The following NAV3 variants were observed in gnomAD, a reference collection of about 807,000 sequenced individuals.
NAV3 encodes the protein pore membrane and/or filament interacting like protein 1.
Under a neutral mutation model 244.7 loss-of-function variants are expected in NAV3, and 87 were observed. That is an observed-to-expected ratio of 0.36 (90% CI 0.30 to 0.42). The LOEUF (loss-of-function observed/expected upper bound fraction) is 0.42. Among genes scored for constraint, NAV3 ranks in the 20% least tolerant of loss-of-function variants. The probability of loss-of-function intolerance (pLI) is 1.00; values close to 1 mark genes in which losing one functional copy is unlikely to be tolerated. For missense variants in NAV3, 2,663 were observed against 2,893.3 expected, an observed-to-expected ratio of 0.92 and a Z score of 1.83; for synonymous variants, 1,126 against 1,042.2, an observed-to-expected ratio of 1.08 and a Z score of -1.55.
chr12:77,885,515 C>A (rs1883180517), intron 1 of NAV3, among the ~76,000 whole-genome samples: 1 of 151,982 alleles, frequency 6.6e-6, no homozygotes, highest in Non-Finnish European at 1.5e-5. Flanking sequence ...TTGTATTGGC[C>A]ATATATGAAG....
chr12:77,632,734 A>G (rs1646492865), intron 2 of NAV3, among the ~76,000 whole-genome samples: 1 of 152,210 alleles, frequency 6.6e-6, no homozygotes, highest in African/African-American at 2.4e-5. Flanking sequence ...CTATAATAGT[A>G]ATGAGACTTT....
In NAV3 at chr12:77,737,727, C is replaced by G. The variant is rs75977838; in HGVS notation, c.72+165461C>G. On this transcript the variant is annotated intron_variant, in intron 2 of 8. Transcript: ENST00000550042. ...TTGTATATGTAATTTCTGGTAAGGT[C>G]TCATGGCCATTCATTGGGCTTTTCA... 1.6e-3 allele frequency among the ~76,000 whole-genome samples: 240 copies of G among 152,266 alleles called. 1 individual carries two copies. The Middle Eastern group carries it at 0.02, about 13-fold the overall frequency.
chr12:77,868,709 T>C (rs1369468401), intron 1 of NAV3, among the ~76,000 whole-genome samples: 2 of 146,836 alleles, frequency 1.4e-5, no homozygotes, highest in East Asian at 2.0e-4. Flanking sequence ...TGAGCTGAGA[T>C]TGGGCCACTG....
rs181896144 is a variant in NAV3 at position 77,982,331 on chromosome 12, C to T, written c.672-12472C>T. On this transcript the variant is annotated intron_variant, in intron 5 of 39. Transcript: ENST00000397909. ...TGACCTTTCCACAAATAAATTGGCC[C>T]TCACCATGAGCCAAGAGATACATCA... Among the ~76,000 whole-genome samples the T allele has an allele frequency of 5.3e-4, 33 of 62,806 alleles. 8 individuals are homozygous for T. In the East Asian group the frequency reaches 0.014, roughly 26 times the overall value. 41.2% of individuals were successfully genotyped at this position (62,806 alleles called of 152,430 possible).
chr12:77,797,963 G>A (rs1871510782), intron 2 of NAV3, among the ~76,000 whole-genome samples: 1 of 151,972 alleles, frequency 6.6e-6, no homozygotes, highest in South Asian at 2.1e-4. Context: ...GAGGCCAGGA[G>A]TTTGAGACCA....
intron 1 of NAV3, among the ~76,000 whole-genome samples, chr12:77,868,420 A>G (rs1437614223): frequency 6.6e-6 from 1 of 152,128 alleles, no homozygotes; most frequent in Non-Finnish European, 1.5e-5. Flanking sequence ...AAGAAAGAAA[A>G]ATAGATGATT....
chr12:77,955,337 A>G (rs1270810129), intron 3 of NAV3, among the ~76,000 whole-genome samples: 2 of 151,974 alleles, frequency 1.3e-5, no homozygotes. Flanking sequence ...CTTCAGCAAA[A>G]CCTTCCTAAC....
At chr12:78,069,738 T>C (rs759828756) in intron 12 of NAV3, among the ~76,000 whole-genome samples, 24 of 152,034 alleles carry the variant, frequency 1.6e-4, no homozygotes, top group Non-Finnish European at 2.5e-4. Flanking sequence ...TGAATTTGTT[T>C]TCTAAAAAGA....
chr12:78,134,312 A>G (rs1474669791), intron 18 of NAV3, among the ~76,000 whole-genome samples: 2 of 152,176 alleles, frequency 1.3e-5, no homozygotes, highest in African/African-American at 4.8e-5. Flanking sequence ...TTCATCTCTT[A>G]TGTAAAATTT....
intron 2 of NAV3, among the ~76,000 whole-genome samples, chr12:77,698,492 A>G (rs1032094836): frequency 6.6e-6 from 1 of 152,148 alleles, no homozygotes; most frequent in Non-Finnish European, 1.5e-5. Flanking sequence ...GAATTTGGCT[A>G]TAGGGGTCCA....
intron 2 of NAV3, among the ~76,000 whole-genome samples, chr12:77,820,049 G>T (rs539476540): frequency 2.4e-4 from 37 of 152,162 alleles, no homozygotes; most frequent in African/African-American, 8.4e-4. Context: ...AAAGAAAATG[G>T]ACAGTGAGGT....
chr12:77,787,296 T>C (rs926971952), intron 2 of NAV3, among the ~76,000 whole-genome samples: 1 of 152,192 alleles, frequency 6.6e-6, no homozygotes, highest in Non-Finnish European at 1.5e-5. Flanking sequence ...TGAACAAAGT[T>C]AAATAGTTTT....
chr12:77,952,977 T>A (rs1021695728), intron 3 of NAV3, among the ~76,000 whole-genome samples: 1 of 152,160 alleles, frequency 6.6e-6, no homozygotes. Flanking sequence ...AATTCCCTTG[T>A]TTGGTTTTGT....
intron 2 of NAV3, among the ~76,000 whole-genome samples, chr12:77,598,552 C>G (rs1870276886): frequency 6.6e-6 from 1 of 151,868 alleles, no homozygotes; most frequent in Non-Finnish European, 1.5e-5. Context: ...GCTTGATTGA[C>G]TTTATTTGTT....
chr12:78,157,937 A>C (rs1957375150), intron 22 of NAV3, among the ~76,000 whole-genome samples: 1 of 152,162 alleles, frequency 6.6e-6, no homozygotes, highest in African/African-American at 2.4e-5. Flanking sequence ...AGGTAAAGAA[A>C]GGCATCCCAG....
chr12:77,694,985 C>A (rs1195458454), intron 2 of NAV3, among the ~76,000 whole-genome samples: 3 of 152,194 alleles, frequency 2.0e-5, no homozygotes, highest in Non-Finnish European at 2.9e-5. Context: ...ATAATCCTTA[C>A]ACTAACAACA....
At chr12:77,637,723 A>G (rs1444107676) in intron 2 of NAV3, among the ~76,000 whole-genome samples, 1 of 152,272 alleles carries the variant, frequency 6.6e-6, no homozygotes, top group Non-Finnish European at 1.5e-5. Flanking sequence ...CCTCTCACAA[A>G]TATCTTCTAA....
chr12:77,880,423 C>T (rs929953270), intron 1 of NAV3, among the ~76,000 whole-genome samples: 1 of 152,060 alleles, frequency 6.6e-6, no homozygotes, highest in East Asian at 1.9e-4. Context: ...TGCAAGTAAG[C>T]AGAAATCCTT....
intron 2 of NAV3, among the ~76,000 whole-genome samples, chr12:77,741,279 C>A (rs1278260710): frequency 6.6e-6 from 1 of 151,650 alleles, no homozygotes; most frequent in Non-Finnish European, 1.5e-5. Flanking sequence ...TCCCCTCACA[C>A]ATTTTTAAAA....
Sources: allele counts gnomAD v4.1 joint callset (sites outside exome capture counted in the v4.1 genomes callset), GRCh38; gene constraint gnomAD v4.1.1; transcripts MANE v1.5; gene names NCBI Gene and HGNC (gene_info 2026-07-23, HGNC 2026-07-21).